Variants in FYN observed in about 807,000 individuals in gnomAD.
FYN encodes the protein FYN proto-oncogene, Src family tyrosine kinase.
FYN carries 10 observed loss-of-function variants against 70.2 expected under a neutral mutation model. That is an observed-to-expected ratio of 0.14 (90% CI 0.09 to 0.24). The LOEUF (loss-of-function observed/expected upper bound fraction) is 0.24, where lower values mean the gene tolerates loss of function less well. Ranked by LOEUF, FYN falls within the 10% of genes least tolerant of loss-of-function variation. FYN has a pLI of 1.00. For synonymous variants in FYN, 236 were observed against 248.6 expected, an observed-to-expected ratio of 0.95 and a Z score of 0.48; for missense variants, 319 against 673.1, an observed-to-expected ratio of 0.47 and a Z score of 5.82.
chr6:111,721,126 A>ATCC (rs1236878899), intron 3 of FYN, among the ~76,000 whole-genome samples: 11 of 152,144 alleles, frequency 7.2e-5, no homozygotes, highest in Non-Finnish European at 1.5e-4. Context: ...TGTCCTAGTT[A>ATCC]ATAAGGCACC....
chr6:111,829,735 G>A (rs1011043294), intron 2 of FYN, among the ~76,000 whole-genome samples: 1 of 152,208 alleles, frequency 6.6e-6, no homozygotes, highest in Non-Finnish European at 1.5e-5. Context: ...AGTTGGAAGA[G>A]ATAACCTCAA....
At chr6:111,856,323 T>G (rs1430427014) in intron 1 of FYN, among the ~76,000 whole-genome samples, 2 of 152,180 alleles carry the variant, frequency 1.3e-5, no homozygotes, top group African/African-American at 2.4e-5. Flanking sequence ...TAGAAGCCAA[T>G]CAAAGATATT....
At chr6:111,746,879 CAG>C (rs148839242) in intron 3 of FYN, among the ~76,000 whole-genome samples, 12 of 150,334 alleles carry the variant, frequency 8.0e-5, no homozygotes, top group South Asian at 6.3e-4. Flanking sequence ...GAATGAGAGA[CAG>C]AGAGAGAGAG....
intron 9 of FYN, chr6:111,699,841 T>G (rs1799748588): frequency 1.4e-6 from 1 of 727,146 alleles, no homozygotes; most frequent in Admixed American, 3.2e-5. Flanking sequence ...CTTGGACCAT[T>G]TGCTGGTTTA....
At chr6:111,668,104 G>A (rs1378565526) in intron 13 of FYN, among the ~76,000 whole-genome samples, 2 of 152,222 alleles carry the variant, frequency 1.3e-5, no homozygotes, top group African/African-American at 4.8e-5. Flanking sequence ...CTGTGCTGGC[G>A]CTGGGAAGGA....
intron 12 of FYN, among the ~76,000 whole-genome samples, chr6:111,686,647 GT>G (rs968293181): frequency 4.1e-4 from 61 of 150,296 alleles, no homozygotes; most frequent in African/African-American, 1.3e-3. Flanking sequence ...AATTAAAAAG[GT>G]TTTTTTTTTC....
chr6:111,862,816 T>C (rs182691703), intron 1 of FYN, among the ~76,000 whole-genome samples: 2 of 152,202 alleles, frequency 1.3e-5, no homozygotes, highest in Admixed American at 1.3e-4. Flanking sequence ...ATAAAGAGAT[T>C]GGGGGAAGCT....
At chr6:111,728,535 G>A (rs978425987) in intron 3 of FYN, among the ~76,000 whole-genome samples, 3 of 152,010 alleles carry the variant, frequency 2.0e-5, no homozygotes, top group Non-Finnish European at 2.9e-5. Context: ...TGGCAACCAC[G>A]AATCTAATTT....
At chr6:111,795,825 A>G (rs1406632568) in intron 2 of FYN, among the ~76,000 whole-genome samples, 1 of 152,252 alleles carries the variant, frequency 6.6e-6, no homozygotes, top group East Asian at 1.9e-4. Context: ...CTGAGGTGGC[A>G]GAGCCAGATC....
intron 3 of FYN, among the ~76,000 whole-genome samples, chr6:111,744,605 T>C (rs1160304979): frequency 6.6e-6 from 1 of 152,228 alleles, no homozygotes; most frequent in Non-Finnish European, 1.5e-5. Flanking sequence ...CATGGACTCC[T>C]ATTCTGGTCC....
chr6:111,788,051 T>G (rs1771465486), intron 2 of FYN, among the ~76,000 whole-genome samples: 1 of 152,184 alleles, frequency 6.6e-6, no homozygotes, highest in South Asian at 2.1e-4. Context: ...ATTTCCTCTC[T>G]TATTGTGCCC....
At chr6:111,724,290 T>A (rs944431325) in intron 3 of FYN, among the ~76,000 whole-genome samples, 4 of 152,126 alleles carry the variant, frequency 2.6e-5, no homozygotes, top group African/African-American at 9.7e-5. Flanking sequence ...CTTCTCCACA[T>A]AGCCCTGTAG....
At chr6:111,819,478 G>A (rs1414445701) in intron 2 of FYN, among the ~76,000 whole-genome samples, 5 of 151,652 alleles carry the variant, frequency 3.3e-5, no homozygotes, top group East Asian at 3.9e-4. Flanking sequence ...ATTGTTTTAC[G>A]ACAGTCCCTG....
chr6:111,856,228 C>T (rs923616890), intron 1 of FYN, among the ~76,000 whole-genome samples: 2 of 152,138 alleles, frequency 1.3e-5, no homozygotes, highest in African/African-American at 4.8e-5. Context: ...AGAAGAGCTT[C>T]CACTGAGCAG....
intron 1 of FYN, among the ~76,000 whole-genome samples, chr6:111,862,490 C>T (rs1371819319): frequency 6.6e-6 from 1 of 152,122 alleles, no homozygotes; most frequent in Non-Finnish European, 1.5e-5. Context: ...AGCGCAGATG[C>T]CCAGAAAGCC....
At chr6:111,716,702 T>TA (rs200494595) in intron 4 of FYN, among the ~76,000 whole-genome samples, 5,275 of 149,512 alleles carry the variant, frequency 0.035, 151 homozygotes, top group East Asian at 0.14. Flanking sequence ...CATTAAATTA[T>TA]AAAAAAAATT....
chr6:111,674,706 T>C (rs1023048219), intron 12 of FYN, 76 bp from the exon 13 acceptor site: 12 of 1,501,908 alleles, frequency 8.0e-6, no homozygotes, highest in Non-Finnish European at 1.1e-5. Flanking sequence ...GGAAAGGCAC[T>C]TGGCAAGCTA....
At chr6:111,846,963 A>G (rs1328689327) in intron 1 of FYN, among the ~76,000 whole-genome samples, 3 of 152,140 alleles carry the variant, frequency 2.0e-5, no homozygotes, top group Admixed American at 2.0e-4. Flanking sequence ...TCCCTTTTTC[A>G]GAGTCTCTAC....
intron 12 of FYN, among the ~76,000 whole-genome samples, chr6:111,687,941 G>A (rs1799095796): frequency 6.6e-6 from 1 of 152,170 alleles, no homozygotes; most frequent in African/African-American, 2.4e-5. Context: ...CATGGGTCAT[G>A]CTCTTAACCA....
Sources: allele counts gnomAD v4.1 joint callset (sites outside exome capture counted in the v4.1 genomes callset), GRCh38; gene constraint gnomAD v4.1.1; transcripts MANE v1.5; gene names NCBI Gene and HGNC (gene_info 2026-07-23, HGNC 2026-07-21).